ARHGEF38: variants seen among roughly 807,000 people sequenced by gnomAD.
ARHGEF38 encodes Rho guanine nucleotide exchange factor (GEF) 38.
Under a neutral mutation model 79.9 loss-of-function variants are expected in ARHGEF38, and 79 were observed. The ratio of observed to expected loss-of-function variants is 0.99; its 90% CI spans 0.82 to 1.19. The LOEUF is 1.19. Among genes scored for constraint, ARHGEF38 ranks in the 50% most tolerant of loss-of-function variants. The pLI is 0.00. For synonymous variants in ARHGEF38, 366 were observed against 328.3 expected (o/e 1.11, Z -1.24); for missense variants, 962 against 907.2 (o/e 1.06, Z -0.78).
chr4:105,611,237 T>C (rs1448715302), intron 2 of ARHGEF38, among the ~76,000 whole-genome samples: 1 of 152,094 alleles, frequency 6.6e-6, no homozygotes, highest in African/African-American at 2.4e-5. Context: ...TGATAGTTTA[T>C]CTTATAAAGC....
chr4:105,620,642 G>A (rs1728700888), intron 3 of ARHGEF38, among the ~76,000 whole-genome samples: 1 of 152,136 alleles, frequency 6.6e-6, no homozygotes, highest in Admixed American at 6.5e-5. Context: ...ATTTCTAGAT[G>A]CTTCCAATAT....
In ARHGEF38 at chr4:105,614,157, G is replaced by A. The variant is rs183429887; in HGVS notation, c.508+650G>A. On this transcript the variant is annotated intron_variant, in intron 3 of 13. Coordinates refer to ENST00000420470, the MANE Select transcript of ARHGEF38 (RefSeq NM_001242729.2). ...CTCTCCATTTCTTGGGAATTTCCAA[G>A]GGAATATGTGCTATGAATTCCTTAA... 7.0e-3 allele frequency among the ~76,000 whole-genome samples: 1,061 copies of A among 152,194 alleles called. 8 individuals are homozygous for A. Among genetic ancestry groups the A allele is most frequent in the Non-Finnish European group, 0.011 (729 of 67,994 alleles).
At chr4:105,628,095 G>T (rs1729027944) in intron 3 of ARHGEF38, among the ~76,000 whole-genome samples, 1 of 151,826 alleles carries the variant, frequency 6.6e-6, no homozygotes, top group Non-Finnish European at 1.5e-5. Flanking sequence ...CACCACTCCT[G>T]TTAAAGAAAA....
intron 1 of ARHGEF38, among the ~76,000 whole-genome samples, chr4:105,572,924 C>T (rs1426658304): frequency 1.3e-5 from 2 of 152,138 alleles, no homozygotes; most frequent in East Asian, 1.9e-4. Context: ...AATATATTAG[C>T]CATCCTTATG....
In ARHGEF38 at chr4:105,567,052, C is replaced by A. The variant is rs183016165; in HGVS notation, c.196+14091C>A. ...ACACACCTCGCCTGCCATCCTTTTA[C>A]TATCTATCTTCATGAGTTCAGTTGT... On this transcript the variant is annotated intron_variant, in intron 1 of 13. Coordinates refer to ENST00000420470, the MANE Select transcript of ARHGEF38 (RefSeq NM_001242729.2). Among the ~76,000 whole-genome samples the A allele has an allele frequency of 4.5e-3, 685 of 152,254 alleles. 3 individuals are homozygous for A. Among genetic ancestry groups the A allele is most frequent in the African/African-American group, 0.016 (672 of 41,554 alleles).
downstream of ARHGEF38, among the ~76,000 whole-genome samples, chr4:105,681,695 G>GTTA (rs1266683114): frequency 6.6e-6 from 1 of 152,076 alleles, no homozygotes; most frequent in East Asian, 1.9e-4. Flanking sequence ...GGCTTATAGA[G>GTTA]TTATTTATAT....
chr4:105,668,175 C>CTTTTTCTT lies in ARHGEF38; in HGVS notation c.2148+486_2148+493dup, dbSNP rs961437961. On this transcript the variant is annotated intron_variant, in intron 13 of 13. Transcript: ENST00000420470. ...TAATACCACACACTATATATGGAAA[C>CTTTTTCTT]TTTTTCTTTTTTTCTTTTTTTTTTG... is the stretch of plus-strand genomic sequence containing the variant. 2.6e-5 allele frequency among the ~76,000 whole-genome samples: 4 copies of CTTTTTCTT among 151,324 alleles called. No homozygotes were observed. In the East Asian group the frequency reaches 7.7e-4, roughly 29 times the overall value.
At chr4:105,587,599 T>C (rs1196144183) in intron 1 of ARHGEF38, among the ~76,000 whole-genome samples, 1 of 152,184 alleles carries the variant, frequency 6.6e-6, no homozygotes, top group Non-Finnish European at 1.5e-5. Context: ...TAGCTGGGAC[T>C]ACAGGAGTCC....
At chr4:105,654,195 T>C in intron 8 of ARHGEF38, 26 bp downstream of exon 8, 1 of 1,312,050 alleles carries the variant, frequency 7.6e-7, no homozygotes, top group South Asian at 1.5e-5. Context: ...CTGTTTTCAG[T>C]GTTCTACAGG....
Position 105,676,601 on chromosome 4 carries a change from C to G in ARHGEF38, c.2149-1151C>G, listed in dbSNP as rs77232548. Among the ~76,000 whole-genome samples the G allele has an allele frequency of 7.4e-3, 1,124 of 152,210 alleles. 11 individuals are homozygous for G. The highest frequency in any genetic ancestry group is 0.025 in the African/African-American group (1,031 of 41,528). On this transcript the variant is annotated intron_variant, in intron 13 of 13. Transcript: ENST00000420470. ...ATAACTAAACATTTTTATTATCAATCTTATGATTTTGTTGGAAGAATAAAG... is the reference window on the plus strand; with the variant it reads ...ATAACTAAACATTTTTATTATCAATGTTATGATTTTGTTGGAAGAATAAAG...
rs1725409968 is a variant in ARHGEF38 at position 105,559,398 on chromosome 4, G to A, written c.196+6437G>A. Among the ~76,000 whole-genome samples the A allele has an allele frequency of 2.0e-5, 3 of 152,050 alleles. No homozygotes were observed. In the South Asian group the frequency reaches 6.2e-4, roughly 32 times the overall value. ...AGGCCTAAGGCACAATTGATGATGG[G>A]GGTGTTTCTGGAGCTTGATCATGCT... On this transcript the variant is annotated intron_variant, in intron 1 of 13. Transcript: ENST00000420470.
chr4:105,654,853 A>G (rs1292586772), intron 8 of ARHGEF38, among the ~76,000 whole-genome samples: 1 of 152,216 alleles, frequency 6.6e-6, no homozygotes, highest in Non-Finnish European at 1.5e-5. Context: ...GTAGTGTTAC[A>G]TGTAAATCAG....
intron 1 of ARHGEF38, among the ~76,000 whole-genome samples, chr4:105,572,261 A>G (rs934300709): frequency 1.3e-5 from 2 of 152,192 alleles, no homozygotes; most frequent in African/African-American, 2.4e-5. Context: ...CAATGACTAT[A>G]TAACTGTTAA....
rs183602813 is a variant in ARHGEF38 at position 105,665,426 on chromosome 4, G to A, written c.1546-751G>A. On this transcript the variant is annotated intron_variant, in intron 10 of 13. Coordinates refer to ENST00000420470, the MANE Select transcript of ARHGEF38 (RefSeq NM_001242729.2). ...GCAGGAGAATCACTTGAACCAGGGA[G>A]TCGGAGGTTGCAGTGAGCCAAAATC... Among the ~76,000 whole-genome samples the A allele has an allele frequency of 2.2e-3, 340 of 152,006 alleles. 1 individual carries two copies. Among genetic ancestry groups the A allele is most frequent in the Non-Finnish European group, 3.7e-3 (249 of 67,982 alleles).
intron 7 of ARHGEF38, among the ~76,000 whole-genome samples, chr4:105,652,584 G>A (rs1730149667): frequency 6.6e-6 from 1 of 152,160 alleles, no homozygotes; most frequent in Non-Finnish European, 1.5e-5. Context: ...GCATGGAAAA[G>A]TCTTGCTTAT....
rs918687921 is a variant in ARHGEF38, at chr4:105,677,770, G to T, written c.2167G>T (p.Ala723Ser). 4.7e-6 allele frequency: 7 copies of T among 1,493,568 alleles called. No homozygotes were observed. Among genetic ancestry groups the T allele is most frequent in the Non-Finnish European group, 6.2e-6 (7 of 1,120,224 alleles). 92.5% of individuals were successfully genotyped at this position (1,493,568 alleles called of 1,614,324 possible). A position where few individuals can be genotyped will look rare whatever the true frequency, so the allele number is the denominator to read the frequency against. Residue 723 changes from alanine to serine, a missense_variant, in exon 14 of 14, where the codon GCT becomes TCT. Physicochemically the swap from Ala to Ser is moderately conservative, Grantham distance 99. Transcript: ENST00000420470. Reference protein sequence around the residue: ...VDEQIFYAVHAFQARSDHELS... With the variant: ...VDEQIFYAVHSFQARSDHELS... The stretch of plus-strand genomic sequence containing the variant: ...TGTCTAGATTTTCTATGCAGTTCAT[G>T]CTTTTCAAGCACGGAGTGACCATGA...
chr4:105,598,566 A>G (rs916967233), intron 2 of ARHGEF38, among the ~76,000 whole-genome samples: 1 of 152,202 alleles, frequency 6.6e-6, no homozygotes, highest in African/African-American at 2.4e-5. Flanking sequence ...GTCTGCTTTA[A>G]CTATCAATAC....
At chr4:105,655,850 G>A in intron 9 of ARHGEF38, 128 bp downstream of exon 9, 1 of 1,053,538 alleles carries the variant, frequency 9.5e-7, no homozygotes, top group Non-Finnish European at 1.3e-6. Flanking sequence ...GTCAAAATTA[G>A]TAGATTTAAA....
chr4:105,563,031 G>A (rs927640414), intron 1 of ARHGEF38, among the ~76,000 whole-genome samples: 1 of 152,198 alleles, frequency 6.6e-6, no homozygotes, highest in Non-Finnish European at 1.5e-5. Flanking sequence ...TGGCTATCTT[G>A]GGAAAAGGCA....
Sources: gnomAD v4.1 joint callset for allele counts (sites outside exome capture counted in the v4.1 genomes callset) on GRCh38, gnomAD v4.1.1 for gene constraint, MANE v1.5 for transcripts, NCBI Gene and HGNC (gene_info 2026-07-23, HGNC 2026-07-21) for gene names.